ELMOD2: variants seen among roughly 807,000 people sequenced by gnomAD.
ELMOD2 encodes ELMO domain containing 2.
A neutral mutation model predicts 41.0 loss-of-function variants in ELMOD2; 28 were observed. The observed-to-expected ratio is 0.68, with a 90% CI of 0.51 to 0.94. The LOEUF (loss-of-function observed/expected upper bound fraction) is 0.94. ELMOD2 is among the 40% of genes least tolerant of loss of function. The pLI is 0.00. For missense variants in ELMOD2, 333 were observed against 343.1 expected (o/e 0.97, Z 0.23); for synonymous variants, 106 against 107.2 (o/e 0.99, Z 0.07).
At chr4:140,531,563 C>T (rs1483162661) in intron 3 of ELMOD2, among the ~76,000 whole-genome samples, 1 of 152,170 alleles carries the variant, frequency 6.6e-6, no homozygotes, top group Non-Finnish European at 1.5e-5. Context: ...CTTTTTATTG[C>T]AGCTGCCGTC....
At chr4:140,549,681 C>CTTTTTTTTTTTTTTTTTTTTTTT (rs10538089) in intron 8 of ELMOD2, among the ~76,000 whole-genome samples, 1 of 42,930 alleles carries the variant, frequency 2.3e-5, no homozygotes, top group Non-Finnish European at 3.8e-5. Flanking sequence ...AGTACTACAT[C>CTTTTTTTTTTTTTTTTTTTTTTT]TTTTTTTTTT....
At chr4:140,529,173 A>C (rs1578756416) in intron 3 of ELMOD2, among the ~76,000 whole-genome samples, 1 of 152,160 alleles carries the variant, frequency 6.6e-6, no homozygotes, top group African/African-American at 2.4e-5. Flanking sequence ...CCCAGGTGAT[A>C]CTGCTGCAGC....
At chr4:140,539,063 T>C (rs1470069151) in intron 5 of ELMOD2, among the ~76,000 whole-genome samples, 2 of 152,140 alleles carry the variant, frequency 1.3e-5, no homozygotes, top group Non-Finnish European at 2.9e-5. Flanking sequence ...AATGTAATGA[T>C]TGGATTTAGC....
In ELMOD2 at chr4:140,537,399, T is replaced by G. The variant is rs769290006; in HGVS notation, c.270-13T>G. 2.0e-6 allele frequency: 3 copies of G among 1,483,338 alleles called. No homozygotes were observed. The highest frequency in any genetic ancestry group is 2.7e-6 in the Non-Finnish European group (3 of 1,122,886). The allele number at this position is 1,483,338 out of a possible 1,614,324, so 91.9% of individuals were successfully genotyped here. A position where few individuals can be genotyped will look rare whatever the true frequency, so the allele number is the denominator to read the frequency against. On this transcript the variant is annotated splice_polypyrimidine_tract_variant and intron_variant, in intron 4 of 8. Transcript: ENST00000323570. ...GAGGGTATGCTTTTTAAAAATAATT[T>G]TATCATTTTTAGTTTTAAAATATGC... is the stretch of plus-strand genomic sequence containing the variant.
chr4:140,543,016 C>T (rs532047255), intron 7 of ELMOD2, among the ~76,000 whole-genome samples: 1 of 151,664 alleles, frequency 6.6e-6, no homozygotes, highest in African/African-American at 2.4e-5. Flanking sequence ...TTAGCTTTAC[C>T]GTTATTTTTA....
intron 3 of ELMOD2, 158 bp from the exon 4 acceptor site, chr4:140,535,575 T>G: frequency 1.6e-6 from 1 of 620,766 alleles, no homozygotes; most frequent in Non-Finnish European, 2.8e-6. Flanking sequence ...TATATGTGAA[T>G]TTAGCCCTAG....
rs757345797 is a variant in ELMOD2, at chr4:140,553,266, G to T, written c.*2891G>T. The T allele has an allele frequency of 6.6e-6, 1 of 152,138 alleles. No homozygotes were observed. Among genetic ancestry groups the T allele is most frequent in the Non-Finnish European group, 1.5e-5 (1 of 67,988 alleles). 9.4% of individuals were successfully genotyped at this position (152,138 alleles called of 1,614,324 possible). A position where few individuals can be genotyped will look rare whatever the true frequency, so the allele number is the denominator to read the frequency against. ...GGTTACACATGATCATGGCACAGAA[G>T]ATAGGAGGTTTGACTTGGTGGGCCA... On this transcript the variant is annotated 3_prime_UTR_variant, in exon 9 of 9. Transcript: ENST00000323570.
chr4:140,533,306 CTT>C (rs1465607205), intron 3 of ELMOD2, among the ~76,000 whole-genome samples: 29 of 152,126 alleles, frequency 1.9e-4, no homozygotes, highest in Non-Finnish European at 4.4e-5. Flanking sequence ...GACTTTAAGA[CTT>C]TATAGTCAAA....
chr4:140,547,540 T>C (rs938226689), intron 8 of ELMOD2, among the ~76,000 whole-genome samples: 1 of 151,984 alleles, frequency 6.6e-6, no homozygotes. Flanking sequence ...CAAAAAAAAA[T>C]AGTAACACCT....
chr4:140,527,954 AC>A (rs1484040601), intron 3 of ELMOD2: 3 of 153,382 alleles, frequency 2.0e-5, no homozygotes, highest in African/African-American at 7.2e-5. Flanking sequence ...ATAAAACGAT[AC>A]GTTGTTTCTT....
chr4:140,525,622 T>C, intron 2 of ELMOD2, 52 bp downstream of exon 2: 1 of 1,551,332 alleles, frequency 6.4e-7, no homozygotes, highest in Non-Finnish European at 8.7e-7. Flanking sequence ...CGGAGTGTTT[T>C]TCTCAGGACT....
chr4:140,537,069 A>G (rs1242513727), intron 4 of ELMOD2, among the ~76,000 whole-genome samples: 2 of 152,112 alleles, frequency 1.3e-5, no homozygotes, highest in Non-Finnish European at 2.9e-5. Flanking sequence ...TTGTGGAGCT[A>G]TTTGTTTTAT....
rs544460648 is a variant in ELMOD2, at chr4:140,553,180, T to A, written c.*2805T>A. On this transcript the variant is annotated 3_prime_UTR_variant, in exon 9 of 9. Coordinates refer to ENST00000323570, the MANE Select transcript of ELMOD2 (RefSeq NM_153702.4). Reference sequence around the variant, plus strand: ...GTGAAATACAACTTCATCAAAGATTTGCTCAAAGGAGAAGAATCGCATGAG... The same window carrying A: ...GTGAAATACAACTTCATCAAAGATTAGCTCAAAGGAGAAGAATCGCATGAG... 1.3e-5 allele frequency: 2 copies of A among 152,260 alleles called. No individual in the cohort carries two copies. The highest frequency in any genetic ancestry group is 4.1e-4 in the South Asian group (2 of 4,826). 9.4% of individuals were successfully genotyped at this position (152,260 alleles called of 1,614,324 possible). A position where few individuals can be genotyped will look rare whatever the true frequency, so the allele number is the denominator to read the frequency against.
chr4:140,531,727 T>G (rs1041928714), intron 3 of ELMOD2, among the ~76,000 whole-genome samples: 25 of 152,210 alleles, frequency 1.6e-4, no homozygotes, highest in African/African-American at 6.0e-4. Context: ...CAAAGTATAA[T>G]AAGGGGATTC....
rs1011972558 is a variant in ELMOD2, at chr4:140,552,496, G to T, written c.*2121G>T. On this transcript the variant is annotated 3_prime_UTR_variant, in exon 9 of 9. Coordinates refer to ENST00000323570, the MANE Select transcript of ELMOD2 (RefSeq NM_153702.4). ...TCTAGGGTTTGAGTCTAGAAGCCAA[G>T]CAAACTGTCACCAATGTCAGTTGTA... 3 of 152,020 alleles carry T rather than the reference G, an allele frequency of 2.0e-5. No individual in the cohort carries two copies. Among genetic ancestry groups the T allele is most frequent in the African/African-American group, 4.8e-5 (2 of 41,430 alleles). The allele number at this position is 152,020 out of a possible 1,614,324, so 9.4% of individuals were successfully genotyped here.
chr4:140,547,182 G>T (rs140698989), intron 8 of ELMOD2, among the ~76,000 whole-genome samples: 1 of 152,254 alleles, frequency 6.6e-6, no homozygotes, highest in African/African-American at 2.4e-5. Flanking sequence ...TTAGTTCCAA[G>T]GTCATAGTTT....
At chr4:140,545,717 A>G (rs1490326225) in intron 8 of ELMOD2, among the ~76,000 whole-genome samples, 1 of 150,588 alleles carries the variant, frequency 6.6e-6, no homozygotes, top group Non-Finnish European at 1.5e-5. Context: ...ACTTGCCTCT[A>G]ATTTTTTTTT....
intron 3 of ELMOD2, among the ~76,000 whole-genome samples, chr4:140,530,299 C>T (rs1734708929): frequency 6.6e-6 from 1 of 152,126 alleles, no homozygotes; most frequent in South Asian, 2.1e-4. Context: ...TTTAAGAACT[C>T]CAGTGCCTTG....
At chr4:140,538,406 G>A (rs1356643874) in intron 5 of ELMOD2, among the ~76,000 whole-genome samples, 1 of 152,098 alleles carries the variant, frequency 6.6e-6, no homozygotes, top group Non-Finnish European at 1.5e-5. Context: ...AACACTAAGC[G>A]ATACAAGTTT....
Sources: gnomAD v4.1 joint callset for allele counts (sites outside exome capture counted in the v4.1 genomes callset) on GRCh38, gnomAD v4.1.1 for gene constraint, MANE v1.5 for transcripts, NCBI Gene and HGNC (gene_info 2026-07-23, HGNC 2026-07-21) for gene names.